Variants in LPP observed in about 807,000 individuals in gnomAD.
The protein encoded by LPP is lipoma-preferred partner.
In LPP, 38 loss-of-function variants were observed where a neutral mutation model predicts 60.4. The ratio of observed to expected loss-of-function variants is 0.63; its 90% CI spans 0.49 to 0.83. The LOEUF (loss-of-function observed/expected upper bound fraction) is 0.83, where lower values mean the gene tolerates loss of function less well. Among genes scored for constraint, LPP ranks in the 40% least tolerant of loss-of-function variants. LPP has a pLI of 0.00. For missense variants in LPP, 902 were observed against 783.6 expected (o/e 1.15, Z -1.80); for synonymous variants, 328 against 290.8 (o/e 1.13, Z -1.30).
chr3:188,292,382 G>A (rs902461381), intron 2 of LPP, among the ~76,000 whole-genome samples: 1 of 152,178 alleles, frequency 6.6e-6, no homozygotes. Flanking sequence ...TCATGAGTTG[G>A]ATCTAAGGTG....
rs748086252 is a variant in LPP at position 188,753,973 on chromosome 3, A to G, written c.1241-6140A>G. Among the ~76,000 whole-genome samples, 19 of 152,318 alleles carry G rather than the reference A, an allele frequency of 1.2e-4. 1 individual carries two copies. The highest frequency in any genetic ancestry group is 2.5e-4 in the Non-Finnish European group (17 of 68,030). On this transcript the variant is annotated intron_variant, in intron 8 of 11. Coordinates refer to ENST00000617246, the MANE Select transcript of LPP (RefSeq NM_001375462.1). ...TTTAAGATATGATAAAAACTCTTGT[A>G]TTCACAGAGCTAAATGGCAATAACC... is the stretch of plus-strand genomic sequence containing the variant.
chr3:188,614,077 G>A (rs1849916), intron 7 of LPP, among the ~76,000 whole-genome samples: 1 of 151,252 alleles, frequency 6.6e-6, no homozygotes, highest in Admixed American at 6.6e-5. Context: ...ACAGGCTCCC[G>A]CCACCACGCC....
chr3:188,805,138 A>T (rs1342294922), intron 9 of LPP, among the ~76,000 whole-genome samples: 1 of 151,994 alleles, frequency 6.6e-6, no homozygotes, highest in Admixed American at 6.6e-5. Context: ...GTCATGAGGT[A>T]TACTAAACTG....
At chr3:188,228,773 T>C (rs1341584912) in intron 2 of LPP, among the ~76,000 whole-genome samples, 1 of 152,194 alleles carries the variant, frequency 6.6e-6, no homozygotes, top group Non-Finnish European at 1.5e-5. Context: ...ACAACATCCC[T>C]TCACCCTTAT....
intron 5 of LPP, among the ~76,000 whole-genome samples, chr3:188,494,328 A>G (rs9290873): frequency 0.98 from 149,222 of 152,252 alleles, 73,185 homozygotes; most frequent in East Asian, 1. Context: ...ATGTATATTG[A>G]TCTCTAGTTG....
intron 2 of LPP, among the ~76,000 whole-genome samples, chr3:188,329,885 C>A (rs1468407505): frequency 6.6e-6 from 1 of 152,112 alleles, no homozygotes; most frequent in Non-Finnish European, 1.5e-5. Context: ...CCATTCTTTA[C>A]CTAAATTAAA....
At chr3:188,188,695 A>C (rs921699168) in intron 1 of LPP, among the ~76,000 whole-genome samples, 5 of 152,190 alleles carry the variant, frequency 3.3e-5, no homozygotes, top group African/African-American at 9.7e-5. Context: ...GGTTGTTAGA[A>C]TGAATGGACT....
At chr3:188,253,417 G>A (rs185737425) in intron 2 of LPP, among the ~76,000 whole-genome samples, 2 of 152,288 alleles carry the variant, frequency 1.3e-5, no homozygotes, top group Non-Finnish European at 2.9e-5. Flanking sequence ...CAGTTTGTGT[G>A]TAACATAATG....
At chr3:188,780,452 AT>A (rs1739271536) in intron 9 of LPP, among the ~76,000 whole-genome samples, 1 of 152,116 alleles carries the variant, frequency 6.6e-6, no homozygotes, top group Non-Finnish European at 1.5e-5. Context: ...ATCCAAATTC[AT>A]AAGCACAAGT....
chr3:188,374,940 C>A (rs529808727), intron 3 of LPP, among the ~76,000 whole-genome samples: 7 of 152,060 alleles, frequency 4.6e-5, no homozygotes, highest in Admixed American at 1.3e-4. Flanking sequence ...TTGTCAAAGG[C>A]CTTTTCTGCA....
At chr3:188,815,454 G>T (rs1055960413) in intron 9 of LPP, among the ~76,000 whole-genome samples, 2 of 151,620 alleles carry the variant, frequency 1.3e-5, no homozygotes, top group Non-Finnish European at 2.9e-5. Flanking sequence ...TCTGGCTGAT[G>T]TTAGTTAAAA....
chr3:188,628,969 G>C (rs1847362447), intron 7 of LPP, among the ~76,000 whole-genome samples: 1 of 152,096 alleles, frequency 6.6e-6, no homozygotes, highest in African/African-American at 2.4e-5. Flanking sequence ...ATCAATGAAT[G>C]TGATTCATCA....
intron 7 of LPP, among the ~76,000 whole-genome samples, chr3:188,664,823 G>T (rs1855414749): frequency 1.3e-5 from 2 of 152,154 alleles, no homozygotes; most frequent in Non-Finnish European, 2.9e-5. Flanking sequence ...ACTAAAATTA[G>T]GGGAAACTGG....
chr3:188,662,850 G>A (rs560005365), intron 7 of LPP, among the ~76,000 whole-genome samples: 7 of 152,186 alleles, frequency 4.6e-5, no homozygotes, highest in African/African-American at 9.7e-5. Context: ...ATATTATAAC[G>A]TCCCTTAGTG....
At chr3:188,543,239 A>T (rs13084071) in intron 6 of LPP, among the ~76,000 whole-genome samples, 68,169 of 151,914 alleles carry the variant, frequency 0.45, 16,390 homozygotes, top group East Asian at 0.92. Flanking sequence ...AGGCTTTTAT[A>T]TTTTTAGTGA....
chr3:188,304,652 T>C (rs1024235056), intron 2 of LPP, among the ~76,000 whole-genome samples: 9 of 152,210 alleles, frequency 5.9e-5, no homozygotes, highest in African/African-American at 1.7e-4. Context: ...GAGCTTAACA[T>C]ATTTCCTGGC....
At chr3:188,855,401 G>A (rs1447372511) in intron 9 of LPP, among the ~76,000 whole-genome samples, 2 of 152,200 alleles carry the variant, frequency 1.3e-5, no homozygotes, top group Non-Finnish European at 2.9e-5. Flanking sequence ...AAGCATAGTA[G>A]CAACTAAATT....
chr3:188,434,270 T>C (rs1157221270), intron 4 of LPP, among the ~76,000 whole-genome samples: 2 of 152,190 alleles, frequency 1.3e-5, no homozygotes, highest in African/African-American at 4.8e-5. Flanking sequence ...ATATATATTG[T>C]CAATGTAATA....
At chr3:188,647,377 T>C (rs1398775509) in intron 7 of LPP, among the ~76,000 whole-genome samples, 1 of 152,146 alleles carries the variant, frequency 6.6e-6, no homozygotes, top group African/African-American at 2.4e-5. Context: ...GAATGGATCT[T>C]TCATTAGTTG....
Sources: gnomAD v4.1 joint callset for allele counts (sites outside exome capture counted in the v4.1 genomes callset) on GRCh38, gnomAD v4.1.1 for gene constraint, MANE v1.5 for transcripts, NCBI Gene and HGNC (gene_info 2026-07-23, HGNC 2026-07-21) for gene names.